The following SYTL3 variants were observed in gnomAD, a reference collection of about 807,000 sequenced individuals.
SYTL3 encodes the protein synaptotagmin-like protein 3.
Under a neutral mutation model 82.1 loss-of-function variants are expected in SYTL3, and 88 were observed. The observed-to-expected ratio is 1.07, with a 90% CI of 0.90 to 1.28. The LOEUF (loss-of-function observed/expected upper bound fraction) is 1.28, where lower values mean the gene tolerates loss of function less well. Among genes scored for constraint, SYTL3 ranks in the 50% most tolerant of loss-of-function variants. SYTL3 has a pLI of 0.00. For missense variants in SYTL3, 831 were observed against 757.6 expected (o/e 1.10, Z -1.14); for synonymous variants, 311 against 289.4 (o/e 1.07, Z -0.76).
chr6:158,687,064 T>C (rs77421650), intron 6 of SYTL3, among the ~76,000 whole-genome samples: 18,427 of 152,268 alleles, frequency 0.12, 1,410 homozygotes, highest in African/African-American at 0.21. Context: ...TAGATGGTGG[T>C]TTAAACCACA....
At chr6:158,744,637 A>G (rs903883030) in intron 11 of SYTL3, among the ~76,000 whole-genome samples, 1 of 152,074 alleles carries the variant, frequency 6.6e-6, no homozygotes. Context: ...CTTGTTTCTT[A>G]GTTTCTTTTC....
intron 11 of SYTL3, among the ~76,000 whole-genome samples, chr6:158,733,210 C>T (rs1207131192): frequency 3.3e-5 from 5 of 152,184 alleles, no homozygotes; most frequent in African/African-American, 1.2e-4. Flanking sequence ...TGAATATGTT[C>T]ACAGGCACAT....
intron 2 of SYTL3, among the ~76,000 whole-genome samples, chr6:158,656,106 G>A (rs993464411): frequency 5.3e-5 from 8 of 152,298 alleles, no homozygotes; most frequent in Admixed American, 3.9e-4. Flanking sequence ...GAAAACCAGC[G>A]TGACTTCACT....
Position 158,757,258 on chromosome 6 carries a change from G to C in SYTL3, c.1185G>C (p.Ser395=). Residue 395 remains serine (S), a synonymous_variant, in exon 14 of 18, where the codon TCG becomes TCC. Coordinates refer to ENST00000611299, the MANE Select transcript of SYTL3 (RefSeq NM_001242394.2). The stretch of plus-strand genomic sequence containing the variant: ...TGGTGACCCGGCAGCTGCAGGTCTC[G>C]GTGTGGCATCTGGGCACGCTGGCCC... ...AQLVTRQLQV[S]VWHLGTLARR... is the part of the protein sequence containing the mutation. 2 of 1,612,796 alleles carry C rather than the reference G, an allele frequency of 1.2e-6. No individual in the cohort carries two copies. The highest frequency in any genetic ancestry group is 1.7e-6 in the Non-Finnish European group (2 of 1,179,994).
intron 6 of SYTL3, among the ~76,000 whole-genome samples, chr6:158,704,857 C>T (rs376252485): frequency 0.47 from 57,782 of 121,804 alleles, 14,983 homozygotes; most frequent in African/African-American, 0.76. Flanking sequence ...AGGAGGGACC[C>T]AGGGCAGGGT....
intron 11 of SYTL3, among the ~76,000 whole-genome samples, chr6:158,729,995 C>G (rs548411975): frequency 6.6e-6 from 1 of 152,248 alleles, no homozygotes; most frequent in East Asian, 1.9e-4. Context: ...TAAGCCCTAT[C>G]CTATGTAGCT....
At chr6:158,710,557 G>C (rs1242757134) in intron 8 of SYTL3, among the ~76,000 whole-genome samples, 1 of 151,988 alleles carries the variant, frequency 6.6e-6, no homozygotes, top group African/African-American at 2.4e-5. Context: ...CTCTAAAAGT[G>C]TCTGTAATTT....
At chr6:158,737,089 G>A (rs1202671491) in intron 11 of SYTL3, among the ~76,000 whole-genome samples, 1 of 150,546 alleles carries the variant, frequency 6.6e-6, no homozygotes, top group East Asian at 1.9e-4. Context: ...AGCTTACAAA[G>A]GTCATCCACA....
intron 11 of SYTL3, among the ~76,000 whole-genome samples, chr6:158,732,789 T>A (rs1785579633): frequency 6.6e-6 from 1 of 152,194 alleles, no homozygotes; most frequent in Non-Finnish European, 1.5e-5. Flanking sequence ...GTTAGTATTG[T>A]AAAAAACCTT....
At chr6:158,701,939 C>T (rs1781356235) in intron 6 of SYTL3, among the ~76,000 whole-genome samples, 1 of 151,932 alleles carries the variant, frequency 6.6e-6, no homozygotes, top group Non-Finnish European at 1.5e-5. Context: ...ATTGTCTCCC[C>T]TCTGTGCCCA....
intron 5 of SYTL3, among the ~76,000 whole-genome samples, chr6:158,675,537 G>A (rs1383414671): frequency 1.3e-5 from 2 of 152,178 alleles, no homozygotes. Flanking sequence ...AGTAGGGCCG[G>A]TCACAGTGGC....
At chr6:158,657,770 A>G (rs954639951) in intron 2 of SYTL3, among the ~76,000 whole-genome samples, 8 of 152,250 alleles carry the variant, frequency 5.3e-5, no homozygotes, top group Non-Finnish European at 1.2e-4. Flanking sequence ...CAGTACCATA[A>G]GCAATGTTGC....
chr6:158,711,517 C>T (rs1213869388), intron 8 of SYTL3, among the ~76,000 whole-genome samples: 2 of 152,128 alleles, frequency 1.3e-5, no homozygotes, highest in Admixed American at 1.3e-4. Context: ...AAGGTGTCGG[C>T]GCCAGGAAAG....
chr6:158,666,549 A>C (rs1015051665), intron 5 of SYTL3, among the ~76,000 whole-genome samples: 1 of 152,186 alleles, frequency 6.6e-6, no homozygotes, highest in African/African-American at 2.4e-5. Context: ...GTGCACAAGG[A>C]CATCACAGAA....
At chr6:158,761,845 T>C (rs1318334686) in intron 15 of SYTL3, among the ~76,000 whole-genome samples, 1 of 152,178 alleles carries the variant, frequency 6.6e-6, no homozygotes, top group African/African-American at 2.4e-5. Context: ...TCTAGGATCT[T>C]AGTAATCCCT....
At chr6:158,679,154 G>C (rs1185558480) in intron 5 of SYTL3, among the ~76,000 whole-genome samples, 1 of 152,160 alleles carries the variant, frequency 6.6e-6, no homozygotes, top group Non-Finnish European at 1.5e-5. Context: ...CAGATCACTT[G>C]AGGCCAGGAG....
intron 12 of SYTL3, among the ~76,000 whole-genome samples, chr6:158,748,053 T>A (rs968766556): frequency 2.7e-5 from 4 of 150,416 alleles, no homozygotes; most frequent in Admixed American, 6.6e-5. Context: ...TTTAAATACG[T>A]TCTCTGGTTT....
intron 6 of SYTL3, among the ~76,000 whole-genome samples, chr6:158,691,598 CT>C (rs1229888991): frequency 6.6e-6 from 1 of 152,046 alleles, no homozygotes; most frequent in African/African-American, 2.4e-5. Context: ...CCATGACATT[CT>C]GTTACTTGAT....
Position 158,701,549 on chromosome 6 carries a change from G to T in SYTL3, c.395-5681G>T, listed in dbSNP as rs575683482. Among the ~76,000 whole-genome samples the T allele has an allele frequency of 2.2e-4, 28 of 129,424 alleles. 1 individual carries two copies. The highest frequency in any genetic ancestry group is 3.8e-3 in the Middle Eastern group (1 of 264). The allele number at this position is 129,424 out of a possible 152,430, so 84.9% of individuals were successfully genotyped here. A position where few individuals can be genotyped will look rare whatever the true frequency, so the allele number is the denominator to read the frequency against. On this transcript the variant is annotated intron_variant, in intron 6 of 17. Coordinates refer to ENST00000611299, the MANE Select transcript of SYTL3 (RefSeq NM_001242394.2). ...GGGGTGTAGATGAAGAGCTGTTCTG[G>T]GGGGGAGGAGGCGTGGGGAGAGGCA...
Sources: allele counts gnomAD v4.1 joint callset (sites outside exome capture counted in the v4.1 genomes callset), GRCh38; gene constraint gnomAD v4.1.1; transcripts MANE v1.5; gene names NCBI Gene and HGNC (gene_info 2026-07-23, HGNC 2026-07-21).